Variants in MTMR12 observed in about 807,000 individuals in gnomAD.
MTMR12 encodes the protein myotubularin-related protein 12.
Under a neutral mutation model 96.7 loss-of-function variants are expected in MTMR12, and 33 were observed. That is an observed-to-expected ratio of 0.34 (90% confidence interval 0.26 to 0.46). The LOEUF is 0.46. Among genes scored for constraint, MTMR12 ranks in the 20% least tolerant of loss-of-function variants. The pLI is 1.00. For missense variants in MTMR12, 721 were observed against 896.1 expected (o/e 0.80, Z 2.49); for synonymous variants, 298 against 327.2 (o/e 0.91, Z 0.96).
intron 1 of MTMR12, among the ~76,000 whole-genome samples, chr5:32,299,077 ACACACACACG>A (rs904416314): frequency 1.3e-5 from 2 of 151,866 alleles, no homozygotes; most frequent in African/African-American, 2.4e-5. Context: ...ACATACACAT[ACACACACACG>A]CACACACACA....
chr5:32,251,056 T>C (rs1239694612), intron 8 of MTMR12, among the ~76,000 whole-genome samples: 13 of 145,134 alleles, frequency 9.0e-5, no homozygotes, highest in Non-Finnish European at 1.8e-4. Context: ...GTCCCTCTCT[T>C]TTTTTTTTTT....
intron 5 of MTMR12, among the ~76,000 whole-genome samples, chr5:32,269,495 G>A (rs1176722277): frequency 6.6e-6 from 1 of 152,050 alleles, no homozygotes; most frequent in African/African-American, 2.4e-5. Context: ...AGTAGAGACA[G>A]GGTTTCGCCA....
At chr5:32,257,297 G>C in intron 7 of MTMR12, among the ~76,000 whole-genome samples, 1 of 151,974 alleles carries the variant, frequency 6.6e-6, no homozygotes, top group East Asian at 1.9e-4. Context: ...TTAAGCCTGG[G>C]TGACCCTGTC....
chr5:32,287,704 A>G (rs991485411), intron 1 of MTMR12, among the ~76,000 whole-genome samples: 9 of 152,262 alleles, frequency 5.9e-5, no homozygotes, highest in African/African-American at 1.9e-4. Flanking sequence ...AGACCCAAAA[A>G]TGCTAAGGCC....
rs772094065 is a variant in MTMR12 at position 32,312,503 on chromosome 5, G to A, written c.81+255C>T. On this transcript the variant is annotated intron_variant, in intron 1 of 15. Coordinates refer to ENST00000382142, the MANE Select transcript of MTMR12 (RefSeq NM_001040446.3). The surrounding 1 kb of genome is among the most constrained non-coding windows in gnomAD (Gnocchi z 5.0). ...GCGTTCCGGGCCGCAATCCCTTCTC[G>A]GCTCGGGCCCCTCCACCAGCCTCCA... Among the ~76,000 whole-genome samples, 1 of 152,156 alleles carries A rather than the reference G, an allele frequency of 6.6e-6. No individual in the cohort carries two copies.
At chr5:32,283,113 T>G (rs1750372989) in intron 1 of MTMR12, among the ~76,000 whole-genome samples, 1 of 152,202 alleles carries the variant, frequency 6.6e-6, no homozygotes, top group Admixed American at 6.5e-5. Flanking sequence ...CATGCTGTAT[T>G]CTGAATGTGT....
intron 1 of MTMR12, among the ~76,000 whole-genome samples, chr5:32,307,398 C>T (rs551475816): frequency 4.0e-4 from 61 of 152,076 alleles, no homozygotes; most frequent in African/African-American, 1.4e-3. Flanking sequence ...TGGGGCTGGG[C>T]TGGGGTGGGG....
chr5:32,265,942 A>C, intron 6 of MTMR12, among the ~76,000 whole-genome samples: 1 of 152,222 alleles, frequency 6.6e-6, no homozygotes, highest in Non-Finnish European at 1.5e-5. Flanking sequence ...GGATTTGAAC[A>C]CAGGTCAAAT....
rs903044319 is a variant in MTMR12, at chr5:32,312,261, C to G, written c.81+497G>C. Among the ~76,000 whole-genome samples, 4 of 152,318 alleles carry G rather than the reference C, an allele frequency of 2.6e-5. No homozygotes were observed. The highest frequency in any genetic ancestry group is 9.6e-5 in the African/African-American group (4 of 41,562). Reference sequence around the variant, plus strand: ...CCCCCTTTTCTCCCCGCAGCGCTGACGGGAGGCGGACGTAGGTGCAGGGCA... The same window carrying G: ...CCCCCTTTTCTCCCCGCAGCGCTGAGGGGAGGCGGACGTAGGTGCAGGGCA... On this transcript the variant is annotated intron_variant, in intron 1 of 15. Coordinates refer to ENST00000382142, the MANE Select transcript of MTMR12 (RefSeq NM_001040446.3). The surrounding 1 kb of genome is among the most constrained non-coding windows in gnomAD (Gnocchi z 5.0).
At chr5:32,239,235 A>G in intron 12 of MTMR12, 62 bp from the exon 13 acceptor site, 2 of 1,469,146 alleles carry the variant, frequency 1.4e-6, no homozygotes, top group Non-Finnish European at 1.8e-6. Flanking sequence ...AAAAAGTTTC[A>G]GAATGCTCTC....
At position 32,243,534 on chromosome 5, in the gene MTMR12, G is replaced by A. The variant is rs753271421; in HGVS notation, c.1087C>T (p.Leu363Phe). The A allele has an allele frequency of 6.2e-7, 1 of 1,610,872 alleles. No individual in the cohort carries two copies. Among genetic ancestry groups the A allele is most frequent in the Non-Finnish European group, 8.5e-7 (1 of 1,177,418 alleles). Residue 363 changes from leucine (L) to phenylalanine (F), a missense_variant, in exon 11 of 16, where the codon CTT becomes TTT. Physicochemically the swap from Leu to Phe is conservative, Grantham distance 22. Transcript: ENST00000382142. Reference sequence around the variant, plus strand: ...GGTTTGAAATACCTGATTATGTCAAGCCAGCTGCTACTTTCCAACAGAGAA... The same window carrying A: ...GGTTTGAAATACCTGATTATGTCAAACCAGCTGCTACTTTCCAACAGAGAA... ...WFSLLESSSWLDIIRRCLKKA... is the reference protein window; with the variant it reads ...WFSLLESSSWFDIIRRCLKKA...
At chr5:32,304,315 G>A (rs1006901640) in intron 1 of MTMR12, among the ~76,000 whole-genome samples, 8 of 150,672 alleles carry the variant, frequency 5.3e-5, no homozygotes, top group South Asian at 2.1e-4. Context: ...GTGAGACTCC[G>A]TCTCCAAAAA....
At chr5:32,243,707 C>G (rs757606055) in intron 10 of MTMR12, 108 bp from the exon 11 acceptor site, 7 of 661,846 alleles carry the variant, frequency 1.1e-5, no homozygotes, top group Non-Finnish European at 1.8e-5. Flanking sequence ...AGTCCTGACT[C>G]AAACTGCAGA....
chr5:32,248,109 T>C lies in MTMR12; in HGVS notation c.914A>G (p.His305Arg), dbSNP rs1748770903. ...SFLDGIYKTI[H>R]RPPYEIVKTE... is the part of the protein sequence containing the mutation. ...TTTAACAATTTCATAGGGTGGCCTG[T>C]GGATGGTCTTGTAAATTCTAGGTAT... is the stretch of plus-strand genomic sequence containing the variant. The change falls in exon 10 of 16, where the codon CAC becomes CGC. Residue 305 changes from histidine to arginine, a missense_variant. His to Arg is a conservative substitution (Grantham distance 29). Coordinates refer to ENST00000382142, the MANE Select transcript of MTMR12 (RefSeq NM_001040446.3). The C allele has an allele frequency of 6.2e-7, 1 of 1,613,880 alleles. No individual in the cohort carries two copies. The highest frequency in any genetic ancestry group is 8.5e-7 in the Non-Finnish European group (1 of 1,179,850).
At chr5:32,284,664 C>T (rs1416355963) in intron 1 of MTMR12, among the ~76,000 whole-genome samples, 4 of 152,170 alleles carry the variant, frequency 2.6e-5, no homozygotes, top group African/African-American at 7.2e-5. Context: ...CTCTGACACT[C>T]CCTACCAACT....
chr5:32,267,897 G>A (rs936092904), intron 6 of MTMR12, among the ~76,000 whole-genome samples: 3 of 151,956 alleles, frequency 2.0e-5, no homozygotes, highest in African/African-American at 4.8e-5. Context: ...GCAGTGGTGC[G>A]ATCTCGGCTC....
intron 1 of MTMR12, among the ~76,000 whole-genome samples, chr5:32,300,380 TCAC>T (rs1751092655): frequency 6.6e-6 from 1 of 152,148 alleles, no homozygotes. Context: ...ATGTCTAAGG[TCAC>T]CACCAAGTGG....
At chr5:32,267,815 T>TA (rs1378094392) in intron 6 of MTMR12, among the ~76,000 whole-genome samples, 1 of 152,180 alleles carries the variant, frequency 6.6e-6, no homozygotes, top group Non-Finnish European at 1.5e-5. Context: ...CATTCCTAGT[T>TA]ATAATATATT....
intron 1 of MTMR12, among the ~76,000 whole-genome samples, chr5:32,310,894 G>A (rs1751559946): frequency 7.0e-6 from 1 of 142,768 alleles, no homozygotes; most frequent in African/African-American, 2.6e-5. Flanking sequence ...TTTTTTTTGA[G>A]ATGGAGTCTC....
Sources: gnomAD v4.1 joint callset for allele counts (sites outside exome capture counted in the v4.1 genomes callset) on GRCh38, gnomAD v4.1.1 for gene constraint, Gnocchi (gnomAD v3.1) non-coding constraint, MANE v1.5 for transcripts, NCBI Gene and HGNC (gene_info 2026-07-23, HGNC 2026-07-21) for gene names.